The following SPCS2 variants were observed in gnomAD, a reference collection of about 807,000 sequenced individuals.
The protein encoded by SPCS2 is signal peptidase complex subunit 2.
Under a neutral mutation model 22.3 loss-of-function variants are expected in SPCS2, and 3 were observed. The ratio of observed to expected loss-of-function variants is 0.13; its 90% confidence interval spans 0.06 to 0.35. The LOEUF is 0.35. Ranked by LOEUF, SPCS2 falls within the 10% of genes least tolerant of loss-of-function variation. The pLI is 1.00. For missense variants in SPCS2, 169 were observed against 280.9 expected (o/e 0.60, Z 2.85); for synonymous variants, 67 against 97.2 (o/e 0.69, Z 1.83).
intron 1 of SPCS2, among the ~76,000 whole-genome samples, chr11:74,958,969 T>C (rs570209431): frequency 6.6e-6 from 1 of 152,308 alleles, no homozygotes; most frequent in Non-Finnish European, 1.5e-5. Context: ...TAAAATACTC[T>C]CCATTGCCTG....
chr11:74,955,851 AATATATATATATATATATATAT>A (rs60855711), intron 1 of SPCS2, among the ~76,000 whole-genome samples: 2,224 of 55,620 alleles, frequency 0.04, 214 homozygotes, highest in African/African-American at 0.092. Flanking sequence ...TACTAATTAA[AATATATATATATATATATATAT>A]ATATATATAT....
At chr11:74,951,735 G>A (rs779127064) in intron 1 of SPCS2, among the ~76,000 whole-genome samples, 3 of 151,162 alleles carry the variant, frequency 2.0e-5, no homozygotes, top group South Asian at 2.1e-4. Flanking sequence ...GCTTGAACCC[G>A]GGAGGTGGAG....
chr11:74,950,984 T>A (rs147515093), intron 1 of SPCS2, among the ~76,000 whole-genome samples: 2 of 152,350 alleles, frequency 1.3e-5, no homozygotes, highest in East Asian at 3.9e-4. Flanking sequence ...AAGCACCTCA[T>A]AGCCTGTGCT....
intron 4 of SPCS2, among the ~76,000 whole-genome samples, chr11:74,969,904 G>A: frequency 6.6e-6 from 1 of 152,184 alleles, no homozygotes; most frequent in South Asian, 2.1e-4. Flanking sequence ...ATGCTCTGAG[G>A]ATAAACTGTG....
rs981824030 is a variant in SPCS2, at chr11:74,977,734, G to A, written c.*691G>A. On this transcript the variant is annotated 3_prime_UTR_variant, in exon 5 of 5. Coordinates refer to ENST00000263672, the MANE Select transcript of SPCS2 (RefSeq NM_014752.3). Reference sequence around the variant, plus strand: ...TTTTCAATAAAAGGAAGGAAGATGTGAAAAAAATGGAGTCATAGTTTTGAT... The same window carrying A: ...TTTTCAATAAAAGGAAGGAAGATGTAAAAAAAATGGAGTCATAGTTTTGAT... 2 of 152,398 alleles carry A rather than the reference G, an allele frequency of 1.3e-5. No individual in the cohort carries two copies. The highest frequency in any genetic ancestry group is 1.5e-5 in the Non-Finnish European group (1 of 67,962). 9.4% of individuals were successfully genotyped at this position (152,398 alleles called of 1,614,324 possible).
chr11:74,961,035 TAAA>T (rs59333466), intron 1 of SPCS2, among the ~76,000 whole-genome samples: 2 of 138,012 alleles, frequency 1.4e-5, no homozygotes, highest in African/African-American at 2.6e-5. Context: ...ATTTAGACAT[TAAA>T]AAAAAAAAAA....
intron 1 of SPCS2, among the ~76,000 whole-genome samples, chr11:74,960,085 C>T (rs1948503313): frequency 6.6e-6 from 1 of 152,200 alleles, no homozygotes; most frequent in Non-Finnish European, 1.5e-5. Flanking sequence ...TGTGGTGGCA[C>T]TTTGGGAGGC....
chr11:74,975,675 A>T (rs909476751), intron 4 of SPCS2, among the ~76,000 whole-genome samples: 1 of 152,244 alleles, frequency 6.6e-6, no homozygotes, highest in Non-Finnish European at 1.5e-5. Flanking sequence ...AAGGAACTTC[A>T]CTACTAGCTC....
intron 1 of SPCS2, among the ~76,000 whole-genome samples, chr11:74,956,655 G>T (rs1420419242): frequency 1.3e-5 from 2 of 152,096 alleles, no homozygotes; most frequent in Non-Finnish European, 2.9e-5. Flanking sequence ...CCACACAGCA[G>T]CCAGACTGAT....
intron 4 of SPCS2, among the ~76,000 whole-genome samples, chr11:74,972,860 ATC>A (rs1948593165): frequency 6.7e-6 from 1 of 149,032 alleles, no homozygotes; most frequent in African/African-American, 2.5e-5. Context: ...AATCAATCTA[ATC>A]TCTCTTATTA....
rs188085733 is a variant in SPCS2 at position 74,976,752 on chromosome 11, C to T, written c.495-105C>T. 2.8e-4 allele frequency: 399 copies of T among 1,421,010 alleles called. 5 individuals carry two copies. The highest frequency in any genetic ancestry group is 2.5e-3 in the South Asian group (195 of 77,874). 88.0% of individuals were successfully genotyped at this position (1,421,010 alleles called of 1,614,324 possible). On this transcript the variant is annotated intron_variant, in intron 4 of 4. Coordinates refer to ENST00000263672, the MANE Select transcript of SPCS2 (RefSeq NM_014752.3). ...AGGATGTGTTTGTTCCCTGTATCAC[C>T]GTGCCCAGCTTACTCCTTTTCTTCG...
chr11:74,962,774 A>G (rs536215954), intron 1 of SPCS2, among the ~76,000 whole-genome samples: 1 of 152,312 alleles, frequency 6.6e-6, no homozygotes, highest in Non-Finnish European at 1.5e-5. Flanking sequence ...GTCAAATTAT[A>G]ACCTTTCTTG....
chr11:74,965,229 T>A, intron 2 of SPCS2, 112 bp downstream of exon 2: 1 of 716,738 alleles, frequency 1.4e-6, no homozygotes, highest in South Asian at 2.1e-5. Flanking sequence ...TGTTAGAAAT[T>A]AAGTCAGAAA....
intron 3 of SPCS2, chr11:74,968,126 A>T (rs1185050784): frequency 6.6e-6 from 1 of 152,178 alleles, no homozygotes; most frequent in South Asian, 2.1e-4. Context: ...TCTAAAGTCC[A>T]TATACTTTGT....
At chr11:74,960,005 A>T (rs897061901) in intron 1 of SPCS2, among the ~76,000 whole-genome samples, 1 of 152,174 alleles carries the variant, frequency 6.6e-6, no homozygotes, top group Non-Finnish European at 1.5e-5. Flanking sequence ...GTTTTCTTTG[A>T]ACTGGTTAGC....
chr11:74,949,778 C>G, intron 1 of SPCS2: 1 of 403,506 alleles, frequency 2.5e-6, no homozygotes, highest in Admixed American at 2.8e-5. Context: ...TCAGTATCCC[C>G]CAAACTCTCT....
At chr11:74,969,436 G>C (rs1392271020) in intron 3 of SPCS2, 129 bp from the exon 4 acceptor site, 1 of 822,244 alleles carries the variant, frequency 1.2e-6, no homozygotes, top group African/African-American at 1.7e-5. Flanking sequence ...TAAATTTTCA[G>C]TGTTTTGGCA....
rs538927920 is a variant in SPCS2, at chr11:74,961,529, GTTGTTTGT to G, written c.115-3486_115-3479del. The stretch of plus-strand genomic sequence containing the variant: ...AGTCAGCTTGTTTTTTGTTGTTGTT[GTTGTTTGT>G]TTGTTTGTTTGTTTGTTTTTTGAGA... On this transcript the variant is annotated intron_variant, in intron 1 of 4. Transcript: ENST00000263672. Among the ~76,000 whole-genome samples, 494 of 147,546 alleles carry G rather than the reference GTTGTTTGT, an allele frequency of 3.3e-3. 3 individuals are homozygous for G. Among genetic ancestry groups the G allele is most frequent in the African/African-American group, 0.012 (466 of 39,980 alleles).
chr11:74,965,043 G>T lies in SPCS2; in HGVS notation c.124G>T (p.Asp42Tyr). ...RSGLLDKWKI[D>Y]DKPVKIDKWD... Reference sequence around the variant, plus strand: ...TTTGTTTGTTTTACAGTGGAAGATAGATGATAAGCCTGTAAAAATTGACAA... The same window carrying T: ...TTTGTTTGTTTTACAGTGGAAGATATATGATAAGCCTGTAAAAATTGACAA... The change falls in exon 2 of 5, where the codon GAT becomes TAT. Residue 42 changes from aspartate (D) to tyrosine (Y), a missense_variant. Transcript: ENST00000263672. 2 of 1,549,960 alleles carry T rather than the reference G, an allele frequency of 1.3e-6. No homozygotes were observed.
Sources: gnomAD v4.1 joint callset for allele counts (sites outside exome capture counted in the v4.1 genomes callset) on GRCh38, gnomAD v4.1.1 for gene constraint, MANE v1.5 for transcripts, NCBI Gene and HGNC (gene_info 2026-07-23, HGNC 2026-07-21) for gene names.